Variants in CSMD1 observed in about 807,000 individuals in gnomAD.
CSMD1 encodes the protein CUB and Sushi multiple domains 1.
Under a neutral mutation model 417.5 loss-of-function variants are expected in CSMD1, and 213 were observed. That is an observed-to-expected ratio of 0.51 (90% CI 0.46 to 0.57). The LOEUF is 0.57. CSMD1 is among the 20% of genes least tolerant of loss of function. CSMD1 has a pLI of 0.00. For missense variants in CSMD1, 6,923 were observed against 4,529.7 expected, an observed-to-expected ratio of 1.53 and a Z score of -15.17; for synonymous variants, 2,862 against 1,736.8, an observed-to-expected ratio of 1.65 and a Z score of -16.11.
At chr8:4,978,225 C>G (rs536073357) in intron 1 of CSMD1, among the ~76,000 whole-genome samples, 2 of 152,116 alleles carry the variant, frequency 1.3e-5, no homozygotes, top group Middle Eastern at 3.2e-3. Context: ...AGAGACCCAA[C>G]CTTTTAAGAT....
At chr8:3,793,123 G>T (rs1022907804) in intron 5 of CSMD1, among the ~76,000 whole-genome samples, 1 of 152,286 alleles carries the variant, frequency 6.6e-6, no homozygotes, top group African/African-American at 2.4e-5. Context: ...ATACCCACAA[G>T]AGTGGAAGGA....
intron 3 of CSMD1, among the ~76,000 whole-genome samples, chr8:4,241,312 G>A (rs1802383525): frequency 6.6e-6 from 1 of 152,156 alleles, no homozygotes; most frequent in Non-Finnish European, 1.5e-5. Flanking sequence ...TAACCCCCTG[G>A]AACATATTTC....
intron 21 of CSMD1, among the ~76,000 whole-genome samples, chr8:3,357,329 T>C (rs1808860128): frequency 2.0e-5 from 3 of 152,194 alleles, no homozygotes; most frequent in African/African-American, 7.2e-5. Context: ...TGGGCAAAGT[T>C]TGTAGAGTCT....
At chr8:3,518,988 A>G (rs1797393713) in intron 10 of CSMD1, among the ~76,000 whole-genome samples, 1 of 152,242 alleles carries the variant, frequency 6.6e-6, no homozygotes, top group Non-Finnish European at 1.5e-5. Context: ...AAACTGAAAT[A>G]TAAATGATCT....
chr8:3,675,288 G>A (rs1367764844), intron 7 of CSMD1, among the ~76,000 whole-genome samples: 1 of 152,136 alleles, frequency 6.6e-6, no homozygotes, highest in Non-Finnish European at 1.5e-5. Flanking sequence ...GCTCCTGGAG[G>A]GTTGGCAGCA....
intron 1 of CSMD1, among the ~76,000 whole-genome samples, chr8:4,850,175 T>A (rs1801382943): frequency 6.6e-6 from 1 of 152,162 alleles, no homozygotes; most frequent in Admixed American, 6.5e-5. Flanking sequence ...TTGTAAAATG[T>A]ATATGAAGAT....
chr8:4,986,689 G>A (rs1811196680), intron 1 of CSMD1, among the ~76,000 whole-genome samples: 1 of 151,968 alleles, frequency 6.6e-6, no homozygotes, highest in African/African-American at 2.4e-5. Flanking sequence ...TATGGACAAG[G>A]AGCTTGAATC....
At chr8:4,885,406 G>T (rs1000893833) in intron 1 of CSMD1, among the ~76,000 whole-genome samples, 5 of 152,002 alleles carry the variant, frequency 3.3e-5, no homozygotes, top group Non-Finnish European at 5.9e-5. Flanking sequence ...TCGATGTCTT[G>T]TTCCTGATCT....
intron 1 of CSMD1, among the ~76,000 whole-genome samples, chr8:4,697,906 A>C (rs1163775994): frequency 1.3e-5 from 2 of 152,208 alleles, no homozygotes; most frequent in African/African-American, 4.8e-5. Flanking sequence ...GTTTAAGAAT[A>C]ACACAGACTG....
intron 2 of CSMD1, among the ~76,000 whole-genome samples, chr8:4,527,217 A>C (rs1233615091): frequency 6.6e-6 from 1 of 152,154 alleles, no homozygotes; most frequent in East Asian, 1.9e-4. Context: ...TGTTTTGGCC[A>C]GTTGGGTTGC....
chr8:3,743,061 G>A (rs547438173), intron 6 of CSMD1, among the ~76,000 whole-genome samples: 1 of 152,138 alleles, frequency 6.6e-6, no homozygotes, highest in Non-Finnish European at 1.5e-5. Context: ...GTCCCTGTAT[G>A]GCAGCTGTGC....
chr8:4,128,818 A>T (rs575976235), intron 3 of CSMD1, among the ~76,000 whole-genome samples: 1 of 152,240 alleles, frequency 6.6e-6, no homozygotes, highest in African/African-American at 2.4e-5. Context: ...CAAGTAGGGT[A>T]AGTTTCGGGA....
chr8:4,660,471 G>A (rs1224727320), intron 1 of CSMD1, among the ~76,000 whole-genome samples: 4 of 152,026 alleles, frequency 2.6e-5, no homozygotes, highest in Non-Finnish European at 5.9e-5. Context: ...CAGGTTTATT[G>A]CAATTCCATT....
intron 27 of CSMD1, among the ~76,000 whole-genome samples, chr8:3,228,367 A>G (rs554938705): frequency 7.2e-5 from 11 of 152,368 alleles, no homozygotes; most frequent in African/African-American, 2.6e-4. Flanking sequence ...AAAAAACAGA[A>G]AATTACAAAG....
intron 5 of CSMD1, among the ~76,000 whole-genome samples, chr8:3,954,907 C>G (rs1208862799): frequency 6.6e-6 from 1 of 152,170 alleles, no homozygotes; most frequent in Non-Finnish European, 1.5e-5. Flanking sequence ...AACTCATGCT[C>G]CTCCATCTTT....
chr8:3,264,863 G>GT (rs1563202145), intron 26 of CSMD1, among the ~76,000 whole-genome samples: 11 of 151,630 alleles, frequency 7.3e-5, no homozygotes, highest in Non-Finnish European at 1.0e-4. Context: ...GCTGTGTGTG[G>GT]GTGTGTGTGG....
intron 5 of CSMD1, among the ~76,000 whole-genome samples, chr8:3,887,840 G>A (rs933749708): frequency 1.3e-5 from 2 of 152,182 alleles, no homozygotes; most frequent in Non-Finnish European, 2.9e-5. Context: ...GTGCAAGGAA[G>A]AAACTAAATA....
Position 3,151,248 on chromosome 8 carries a change from C to G in CSMD1, c.6031+149G>C, listed in dbSNP as rs542087283. ...AATAAGTTTTCCACTCTCAAAGTTA[C>G]TCTGCCAAAGCTTTATTTAAATCTG... On this transcript the variant is annotated intron_variant, in intron 40 of 69. Transcript: ENST00000635120. 7.4e-6 allele frequency: 4 copies of G among 540,724 alleles called. No homozygotes were observed. The East Asian group carries it at 8.8e-5, about 12-fold the overall frequency. 33.5% of individuals were successfully genotyped at this position (540,724 alleles called of 1,614,324 possible).
At chr8:3,239,211 C>G (rs1037054830) in intron 26 of CSMD1, among the ~76,000 whole-genome samples, 8 of 151,776 alleles carry the variant, frequency 5.3e-5, no homozygotes, top group African/African-American at 1.9e-4. Flanking sequence ...TACTGAGGAG[C>G]GTAAGGGATA....
Sources: allele counts gnomAD v4.1 joint callset (sites outside exome capture counted in the v4.1 genomes callset), GRCh38; gene constraint gnomAD v4.1.1; transcripts MANE v1.5; gene names NCBI Gene and HGNC (gene_info 2026-07-23, HGNC 2026-07-21).